ERC1: variants seen among roughly 807,000 people sequenced by gnomAD.
ERC1 encodes the protein RAB6 interacting protein 2.
ERC1 carries 56 observed loss-of-function variants against 132.0 expected under a neutral mutation model. The observed-to-expected ratio is 0.42, with a 90% CI of 0.34 to 0.53. The LOEUF (loss-of-function observed/expected upper bound fraction) is 0.53, where lower values mean the gene tolerates loss of function less well. ERC1 is among the 20% of genes least tolerant of loss of function. The probability of loss-of-function intolerance (pLI) is 0.03; values close to 1 mark genes in which losing one functional copy is unlikely to be tolerated. For missense variants in ERC1, 1,202 were observed against 1,349.9 expected (o/e 0.89, Z 1.72); for synonymous variants, 478 against 476.1 (o/e 1.00, Z -0.05).
At chr12:1,205,351 A>T (rs1480644017) in intron 12 of ERC1, among the ~76,000 whole-genome samples, 7 of 151,524 alleles carry the variant, frequency 4.6e-5, no homozygotes, top group African/African-American at 1.7e-4. Flanking sequence ...GCCTAATAAT[A>T]ATAGCGATTA....
chr12:1,309,909 T>C (rs1279401361), intron 15 of ERC1, among the ~76,000 whole-genome samples: 1 of 151,930 alleles, frequency 6.6e-6, no homozygotes, highest in Non-Finnish European at 1.5e-5. Context: ...TAATAGTACC[T>C]AGTGCTGAGG....
chr12:1,103,285 G>A (rs1461344123), intron 3 of ERC1, among the ~76,000 whole-genome samples: 1 of 152,182 alleles, frequency 6.6e-6, no homozygotes, highest in Non-Finnish European at 1.5e-5. Flanking sequence ...AGTCCATAGT[G>A]GCTAAAGCAT....
At chr12:1,243,463 T>C (rs2075964853) in intron 13 of ERC1, among the ~76,000 whole-genome samples, 1 of 151,800 alleles carries the variant, frequency 6.6e-6, no homozygotes, top group African/African-American at 2.4e-5. Context: ...AGGGATGTAA[T>C]GAAACGTGAG....
At chr12:1,114,579 T>A (rs1437878820) in intron 6 of ERC1, among the ~76,000 whole-genome samples, 1 of 152,164 alleles carries the variant, frequency 6.6e-6, no homozygotes, top group Non-Finnish European at 1.5e-5. Flanking sequence ...AATCAGTGTG[T>A]TAGGGAATGG....
At chr12:1,110,129 T>A in intron 4 of ERC1, 63 bp from the exon 5 acceptor site, 1 of 1,352,544 alleles carries the variant, frequency 7.4e-7, no homozygotes. Flanking sequence ...TTAAATATCA[T>A]GTTATTCAGC....
chr12:1,121,799 C>G (rs866017996), intron 7 of ERC1, among the ~76,000 whole-genome samples: 3 of 16,974 alleles, frequency 1.8e-4, no homozygotes, highest in Non-Finnish European at 3.9e-4. Context: ...ATCTCTATCT[C>G]TATCTCTATC....
chr12:1,149,224 A>C (rs960270182), intron 8 of ERC1, among the ~76,000 whole-genome samples: 2 of 152,134 alleles, frequency 1.3e-5, no homozygotes, highest in Admixed American at 6.5e-5. Context: ...ATTTTTAGGC[A>C]GGAGTAACAA....
intron 15 of ERC1, among the ~76,000 whole-genome samples, chr12:1,302,847 C>T (rs1292876063): frequency 6.6e-6 from 1 of 152,068 alleles, no homozygotes; most frequent in African/African-American, 2.4e-5. Flanking sequence ...CCAGTGGTCC[C>T]AGCTACTCGG....
intron 15 of ERC1, among the ~76,000 whole-genome samples, chr12:1,305,021 C>T (rs2080770575): frequency 6.6e-6 from 1 of 151,984 alleles, no homozygotes; most frequent in Admixed American, 6.6e-5. Context: ...ATCTCCGGAT[C>T]CACCCACCTT....
chr12:991,783 A>G (rs1452294093), intron 1 of ERC1: 1 of 152,230 alleles, frequency 6.6e-6, no homozygotes, highest in Non-Finnish European at 1.5e-5. Flanking sequence ...GTCAGGGTGG[A>G]TCTTTGGGTT....
chr12:1,191,114 C>T (rs576033935), intron 12 of ERC1, among the ~76,000 whole-genome samples: 32 of 152,210 alleles, frequency 2.1e-4, no homozygotes, highest in African/African-American at 6.5e-4. Flanking sequence ...GTAAATAACA[C>T]GGGCTGATTA....
At chr12:1,347,852 G>C (rs933348807) in intron 15 of ERC1, among the ~76,000 whole-genome samples, 1 of 152,106 alleles carries the variant, frequency 6.6e-6, no homozygotes, top group African/African-American at 2.4e-5. Context: ...GGGTGGTGGC[G>C]CATGCCTATA....
At chr12:1,305,511 C>T (rs894517707) in intron 15 of ERC1, among the ~76,000 whole-genome samples, 2 of 152,280 alleles carry the variant, frequency 1.3e-5, no homozygotes, top group South Asian at 2.1e-4. Context: ...GCTCCCTCGC[C>T]CCACCCCCGT....
chr12:1,119,614 C>G (rs1946853021), intron 7 of ERC1, among the ~76,000 whole-genome samples: 1 of 150,820 alleles, frequency 6.6e-6, no homozygotes, highest in Admixed American at 6.6e-5. Flanking sequence ...TGCAATAGCA[C>G]AATCTTGGCT....
intron 16 of ERC1, among the ~76,000 whole-genome samples, chr12:1,393,608 G>A (rs2090173427): frequency 1.2e-3 from 1 of 852 alleles, no homozygotes; most frequent in Admixed American, 4.7e-3. Flanking sequence ...GAGAACACAC[G>A]TGTGTGTGTG....
chr12:1,401,099 C>A lies in ERC1; in HGVS notation c.2926-7050C>A, dbSNP rs534234310. Among the ~76,000 whole-genome samples the A allele has an allele frequency of 8.7e-4, 131 of 151,310 alleles. 3 individuals are homozygous for A. The South Asian group carries it at 0.026, about 30-fold the overall frequency. On this transcript the variant is annotated intron_variant, in intron 16 of 18. Transcript: ENST00000360905. ...TACAGACGCCCACCGCTGCGCCCGG[C>A]TAATTTTTTGTATTTTTAGTAGAGA... is the stretch of plus-strand genomic sequence containing the variant.
At chr12:1,408,371 G>C (rs2091639924) in intron 17 of ERC1, 124 bp downstream of exon 17, 1 of 614,912 alleles carries the variant, frequency 1.6e-6, no homozygotes, top group Non-Finnish European at 2.7e-6. Flanking sequence ...AGCTAATTCA[G>C]TTCTGAAAAC....
At chr12:1,031,769 T>G (rs893007263) in intron 2 of ERC1, among the ~76,000 whole-genome samples, 4 of 152,216 alleles carry the variant, frequency 2.6e-5, no homozygotes, top group South Asian at 4.1e-4. Flanking sequence ...TTTGAGTCAT[T>G]AAGACTTTAA....
chr12:1,026,422 T>C (rs945227080), intron 1 of ERC1, among the ~76,000 whole-genome samples: 1 of 152,218 alleles, frequency 6.6e-6, no homozygotes, highest in Non-Finnish European at 1.5e-5. Flanking sequence ...ACTTTTAACA[T>C]ATATTAAATT....
Sources: gnomAD v4.1 joint callset for allele counts (sites outside exome capture counted in the v4.1 genomes callset) on GRCh38, gnomAD v4.1.1 for gene constraint, MANE v1.5 for transcripts, NCBI Gene and HGNC (gene_info 2026-07-23, HGNC 2026-07-21) for gene names.